Variants in TRRAP observed in about 807,000 individuals in gnomAD.
TRRAP encodes transformation/transcription domain associated protein, also known as transformation/transcription domain-associated protein.
Under a neutral mutation model 438.8 loss-of-function variants are expected in TRRAP, and 41 were observed. The observed-to-expected ratio is 0.09, with a 90% CI of 0.07 to 0.12. TRRAP has a LOEUF of 0.12. Among genes scored for constraint, TRRAP ranks in the 10% least tolerant of loss-of-function variants. TRRAP has a pLI of 1.00. For synonymous variants in TRRAP, 1,994 were observed against 1,962.9 expected (o/e 1.02, Z -0.42); for missense variants, 3,122 against 5,055.1 (o/e 0.62, Z 11.60).
intron 26 of TRRAP, among the ~76,000 whole-genome samples, chr7:98,932,355 C>T (rs1157093124): frequency 2.6e-5 from 4 of 152,128 alleles, no homozygotes; most frequent in Non-Finnish European, 5.9e-5. Context: ...CCTCATGATC[C>T]GCCTGCTTTG....
rs149362039 is a variant in TRRAP, at chr7:98,991,396, T to C, written c.9757-741T>C. ...TCCTGCACGCAGCACCTGTGCTATGTGGGCCCTGAGCGATGCCCTGGTTTT... is the reference window on the plus strand; with the variant it reads ...TCCTGCACGCAGCACCTGTGCTATGCGGGCCCTGAGCGATGCCCTGGTTTT... On this transcript the variant is annotated intron_variant, in intron 64 of 72. Coordinates refer to ENST00000456197, the MANE Select transcript of TRRAP (RefSeq NM_001375524.1). Among the ~76,000 whole-genome samples, 953 of 152,356 alleles carry C rather than the reference T, an allele frequency of 6.3e-3. 6 individuals carry two copies. Among genetic ancestry groups the C allele is most frequent in the Non-Finnish European group, 0.011 (727 of 68,036 alleles).
At chr7:98,943,931 G>A (rs1790918529) in intron 31 of TRRAP, among the ~76,000 whole-genome samples, 1 of 152,100 alleles carries the variant, frequency 6.6e-6, no homozygotes, top group African/African-American at 2.4e-5. Context: ...GCTTTATTAT[G>A]CTTTGTTTTG....
At position 98,971,836 on chromosome 7, in the gene TRRAP, A is replaced by G; in HGVS notation, c.7730A>G (p.Gln2577Arg). 2 of 1,614,220 alleles carry G rather than the reference A, an allele frequency of 1.2e-6. No homozygotes were observed. The highest frequency in any genetic ancestry group is 1.7e-6 in the Non-Finnish European group (2 of 1,180,040). Residue 2577 changes from glutamine (Q) to arginine (R), a missense_variant, in exon 53 of 73, where the codon CAG becomes CGG. Coordinates refer to ENST00000456197, the MANE Select transcript of TRRAP (RefSeq NM_001375524.1). ...GACATCGAACTAGCTCCTGGGGATC[A>G]GACCAGCACGCCCAAAACCAAAGAA... is the stretch of plus-strand genomic sequence containing the variant. ...EIDIELAPGD[Q>R]TSTPKTKELS...
chr7:98,897,315 G>T (rs1796261910), intron 7 of TRRAP, among the ~76,000 whole-genome samples: 1 of 152,220 alleles, frequency 6.6e-6, no homozygotes, highest in Non-Finnish European at 1.5e-5. Flanking sequence ...AATCAGTGGG[G>T]ACTGCCAGCT....
chr7:98,881,336 G>T, intron 2 of TRRAP, 86 bp downstream of exon 2: 1 of 1,262,242 alleles, frequency 7.9e-7, no homozygotes, highest in Non-Finnish European at 1.1e-6. Flanking sequence ...ACTTTGGGAG[G>T]CCGAGGCGGG....
intron 62 of TRRAP, among the ~76,000 whole-genome samples, chr7:98,988,050 GGT>G (rs1368387086): frequency 6.6e-6 from 1 of 152,078 alleles, no homozygotes; most frequent in Non-Finnish European, 1.5e-5. Context: ...AATCCCACTT[GGT>G]CATGATGGAT....
In TRRAP at chr7:98,976,379, G is replaced by T; in HGVS notation, c.7960-104G>T. The T allele has an allele frequency of 1.3e-6, 2 of 1,571,702 alleles. No individual in the cohort carries two copies. The highest frequency in any genetic ancestry group is 8.6e-7 in the Non-Finnish European group (1 of 1,161,502). On this transcript the variant is annotated intron_variant, in intron 54 of 72. Transcript: ENST00000456197. The surrounding 1 kb of genome is among the most constrained non-coding windows in gnomAD (Gnocchi z 4.6). Reference sequence around the variant, plus strand: ...GTTTCAGAAAATGAGGGAACCGCTGGCTGTCACTCGAGCGAATTAGGAAAG... The same window carrying T: ...GTTTCAGAAAATGAGGGAACCGCTGTCTGTCACTCGAGCGAATTAGGAAAG...
At chr7:99,007,983 T>A (rs1417798350) in intron 69 of TRRAP, among the ~76,000 whole-genome samples, 1 of 151,724 alleles carries the variant, frequency 6.6e-6, no homozygotes, top group Non-Finnish European at 1.5e-5. Flanking sequence ...CTGCCACCAC[T>A]CCCGGCTAAT....
intron 63 of TRRAP, 93 bp downstream of exon 63, chr7:98,989,059 T>C: frequency 7.6e-7 from 1 of 1,316,950 alleles, no homozygotes; most frequent in Non-Finnish European, 1.0e-6. Flanking sequence ...CCGTGCCGGG[T>C]GTGAGGCATG....
At position 98,948,466 on chromosome 7, in the gene TRRAP, G is replaced by T. The variant is rs1554417387; in HGVS notation, c.4669-100G>T. On this transcript the variant is annotated intron_variant, in intron 34 of 72. Coordinates refer to ENST00000456197, the MANE Select transcript of TRRAP (RefSeq NM_001375524.1). This position sits in a 1 kb window ranked among gnomAD's most constrained non-coding sequence, Gnocchi z 4.9. Reference sequence around the variant, plus strand: ...GTTCGATGTCAACATTTGCTTGTGGGTGTTCATGCACTCCAGTAACAAGGG... The same window carrying T: ...GTTCGATGTCAACATTTGCTTGTGGTTGTTCATGCACTCCAGTAACAAGGG... 6.2e-7 allele frequency: 1 copy of T among 1,610,588 alleles called. No homozygotes were observed. The highest frequency in any genetic ancestry group is 1.3e-5 in the African/African-American group (1 of 74,846).
In TRRAP at chr7:98,994,934, T is replaced by G; in HGVS notation, c.10309+86T>G. Reference sequence around the variant, plus strand: ...TTTAGTGTTGAAGCTGATTGGATCCTTGGTTTTCTGATCACTGCACGGGGC... The same window carrying G: ...TTTAGTGTTGAAGCTGATTGGATCCGTGGTTTTCTGATCACTGCACGGGGC... On this transcript the variant is annotated intron_variant, in intron 67 of 72. Transcript: ENST00000456197. The surrounding 1 kb of genome is among the most constrained non-coding windows in gnomAD (Gnocchi z 4.8). The G allele has an allele frequency of 1.9e-6, 3 of 1,541,452 alleles. No homozygotes were observed. Among genetic ancestry groups the G allele is most frequent in the Non-Finnish European group, 2.6e-6 (3 of 1,139,422 alleles).
chr7:98,923,929 C>T (rs1019679731), intron 21 of TRRAP, among the ~76,000 whole-genome samples: 1 of 152,170 alleles, frequency 6.6e-6, no homozygotes, highest in Non-Finnish European at 1.5e-5. Context: ...TCTCAGTCAA[C>T]CCCATGAGAA....
At chr7:98,950,385 T>G in intron 38 of TRRAP, 123 bp downstream of exon 38, 1 of 1,162,276 alleles carries the variant, frequency 8.6e-7, no homozygotes, top group Non-Finnish European at 1.2e-6. Context: ...AGCCAGGTGC[T>G]GTGGCATGTG....
At chr7:98,886,256 C>T (rs1228599871) in intron 3 of TRRAP, among the ~76,000 whole-genome samples, 1 of 152,108 alleles carries the variant, frequency 6.6e-6, no homozygotes, top group Non-Finnish European at 1.5e-5. Context: ...TGCCATTGCA[C>T]TCCAGCCTGG....
intron 67 of TRRAP, among the ~76,000 whole-genome samples, chr7:99,002,270 CAT>C (rs538763683): frequency 1.4e-4 from 21 of 152,334 alleles, no homozygotes; most frequent in East Asian, 1.2e-3. Context: ...TGCATACACA[CAT>C]GTGCGCACAC....
chr7:98,905,806 A>T (rs1584292177), intron 12 of TRRAP, among the ~76,000 whole-genome samples: 1 of 152,180 alleles, frequency 6.6e-6, no homozygotes, highest in South Asian at 2.1e-4. Context: ...CATTTAGGAG[A>T]TCCTGTTCCC....
At chr7:98,911,915 ATG>A (rs1335394740) in intron 17 of TRRAP, 105 bp from the exon 18 acceptor site, 2 of 969,038 alleles carry the variant, frequency 2.1e-6, no homozygotes, top group Admixed American at 5.0e-5. Flanking sequence ...ATTTCTTGGA[ATG>A]TGTGATACAG....
intron 47 of TRRAP, among the ~76,000 whole-genome samples, chr7:98,964,026 A>G (rs1156699762): frequency 6.6e-6 from 1 of 151,082 alleles, no homozygotes; most frequent in Non-Finnish European, 1.5e-5. Context: ...GGTTGCAGTG[A>G]GCCGAGATTA....
At chr7:98,928,490 A>G (rs1790155939) in intron 23 of TRRAP, among the ~76,000 whole-genome samples, 1 of 152,034 alleles carries the variant, frequency 6.6e-6, no homozygotes, top group African/African-American at 2.4e-5. Context: ...TAGCACTTTG[A>G]TTGTTTCTCA....
Sources: allele counts gnomAD v4.1 joint callset (sites outside exome capture counted in the v4.1 genomes callset), GRCh38; gene constraint gnomAD v4.1.1; non-coding constraint Gnocchi (gnomAD v3.1); transcripts MANE v1.5; gene names NCBI Gene and HGNC (gene_info 2026-07-23, HGNC 2026-07-21).